The following KCNQ4 variants were observed in gnomAD, a reference collection of about 807,000 sequenced individuals.
KCNQ4 encodes the protein potassium voltage-gated channel subfamily Q member 4.
A neutral mutation model predicts 72.6 loss-of-function variants in KCNQ4; 31 were observed. That is an observed-to-expected ratio of 0.43 (90% CI 0.32 to 0.58). The LOEUF (loss-of-function observed/expected upper bound fraction) is 0.58. KCNQ4 is among the 20% of genes least tolerant of loss of function. The probability of loss-of-function intolerance (pLI) is 0.08; values close to 1 mark genes in which losing one functional copy is unlikely to be tolerated. For synonymous variants in KCNQ4, 405 were observed against 403.7 expected (o/e 1.00, Z -0.04); for missense variants, 869 against 962.6 (o/e 0.90, Z 1.29).
At chr1:40,819,831 G>T (rs1369406994) in intron 5 of KCNQ4, 44 bp from the exon 6 acceptor site, 1 of 1,464,484 alleles carries the variant, frequency 6.8e-7, no homozygotes, top group Non-Finnish European at 9.6e-7. Flanking sequence ...AGCCGTAGGT[G>T]GCCCCCGTGA....
chr1:40,793,426 C>T, intron 1 of KCNQ4, among the ~76,000 whole-genome samples: 1 of 152,158 alleles, frequency 6.6e-6, no homozygotes, highest in Non-Finnish European at 1.5e-5. Flanking sequence ...GTCCTCTTCA[C>T]AGTACATAGT....
At chr1:40,836,805 T>G (rs1453647234) in intron 12 of KCNQ4, among the ~76,000 whole-genome samples, 1 of 152,154 alleles carries the variant, frequency 6.6e-6, no homozygotes, top group East Asian at 1.9e-4. Context: ...ATCAATGGAT[T>G]TAGCAACATG....
At chr1:40,802,815 G>T (rs909264998) in intron 1 of KCNQ4, among the ~76,000 whole-genome samples, 1 of 152,332 alleles carries the variant, frequency 6.6e-6, no homozygotes, top group East Asian at 1.9e-4. Flanking sequence ...CCTGCCTCCA[G>T]ACTGCCGGAC....
intron 9 of KCNQ4, among the ~76,000 whole-genome samples, chr1:40,830,436 A>G (rs1332448267): frequency 1.3e-5 from 2 of 152,222 alleles, no homozygotes; most frequent in African/African-American, 4.8e-5. Flanking sequence ...AACCCTGACC[A>G]GTGTGGGATC....
At chr1:40,838,016 C>T (rs535316763) in intron 13 of KCNQ4, among the ~76,000 whole-genome samples, 32 of 150,480 alleles carry the variant, frequency 2.1e-4, no homozygotes, top group South Asian at 1.5e-3. Flanking sequence ...CCGCCCATAA[C>T]CTTCAGATAA....
intron 1 of KCNQ4, among the ~76,000 whole-genome samples, chr1:40,816,821 G>A (rs1312293198): frequency 6.6e-6 from 1 of 152,230 alleles, no homozygotes; most frequent in African/African-American, 2.4e-5. Context: ...CCACTTTGGA[G>A]TGCATAAGAA....
chr1:40,790,100 C>G (rs966060805), intron 1 of KCNQ4, among the ~76,000 whole-genome samples: 1 of 152,288 alleles, frequency 6.6e-6, no homozygotes, highest in African/African-American at 2.4e-5. Context: ...AGCTGTCCTG[C>G]GGGGAGTGAA....
chr1:40,784,482 T>G lies in KCNQ4; in HGVS notation c.314+75T>G. The G allele has an allele frequency of 7.0e-7, 1 of 1,432,008 alleles. No homozygotes were observed. The highest frequency in any genetic ancestry group is 1.1e-5 in the South Asian group (1 of 87,486). 88.7% of individuals were successfully genotyped at this position (1,432,008 alleles called of 1,614,324 possible). A position where few individuals can be genotyped will look rare whatever the true frequency, so the allele number is the denominator to read the frequency against. ...CTCCCGGGGCACGGCCGCCCCGCCC[T>G]GGCTCCGCCTTCTACCCCCCTGCCT... On this transcript the variant is annotated intron_variant, in intron 1 of 13. Coordinates refer to ENST00000347132, the MANE Select transcript of KCNQ4 (RefSeq NM_004700.4). This position sits in a 1 kb window ranked among gnomAD's most constrained non-coding sequence, Gnocchi z 4.1.
intron 9 of KCNQ4, among the ~76,000 whole-genome samples, chr1:40,828,607 C>T (rs1449464999): frequency 6.6e-6 from 1 of 152,200 alleles, no homozygotes; most frequent in Non-Finnish European, 1.5e-5. Flanking sequence ...CAAATCATCT[C>T]ACCTCTTTCC....
At chr1:40,799,458 A>G (rs1353750084) in intron 1 of KCNQ4, among the ~76,000 whole-genome samples, 2 of 151,850 alleles carry the variant, frequency 1.3e-5, no homozygotes, top group Non-Finnish European at 2.9e-5. Context: ...GGCAGTAAAC[A>G]CTGCCGTCGC....
At chr1:40,830,473 G>GGAAAATATGA (rs1196145483) in intron 9 of KCNQ4, among the ~76,000 whole-genome samples, 2 of 152,178 alleles carry the variant, frequency 1.3e-5, no homozygotes, top group Non-Finnish European at 2.9e-5. Flanking sequence ...GGGGAGTGGA[G>GGAAAATATGA]GAAAATATGA....
At chr1:40,790,903 AGT>A (rs1297415474) in intron 1 of KCNQ4, among the ~76,000 whole-genome samples, 1 of 151,926 alleles carries the variant, frequency 6.6e-6, no homozygotes, top group African/African-American at 2.4e-5. Flanking sequence ...TGTAGCTGTG[AGT>A]GTGTCTGTGA....
chr1:40,834,691 C>T (rs1310318848), intron 11 of KCNQ4, among the ~76,000 whole-genome samples: 1 of 152,138 alleles, frequency 6.6e-6, no homozygotes, highest in Non-Finnish European at 1.5e-5. Context: ...AAGCACACCC[C>T]AGCCTCCTTC....
At chr1:40,786,179 G>A (rs1008857856) in intron 1 of KCNQ4, among the ~76,000 whole-genome samples, 6 of 152,142 alleles carry the variant, frequency 3.9e-5, no homozygotes, top group African/African-American at 1.4e-4. Flanking sequence ...ACACCCCCCA[G>A]AGAACAACTG....
At chr1:40,825,168 CTT>C (rs1262211977) in intron 9 of KCNQ4, among the ~76,000 whole-genome samples, 2 of 152,198 alleles carry the variant, frequency 1.3e-5, no homozygotes, top group Non-Finnish European at 2.9e-5. Flanking sequence ...TTACCCATCT[CTT>C]TGTTTTGTCT....
chr1:40,835,443 A>G (rs540463592), intron 12 of KCNQ4, among the ~76,000 whole-genome samples: 5 of 152,178 alleles, frequency 3.3e-5, no homozygotes, highest in Non-Finnish European at 5.9e-5. Context: ...GAATAGGCAA[A>G]TTGTCCTCAC....
Position 40,784,572 on chromosome 1 carries a change from C to T in KCNQ4, c.314+165C>T, listed in dbSNP as rs1180519135. ...CGGTTTCTGATCCCCTCGCTGAGCC[C>T]GACCCTAAGCCCTGATCTCCCAGGC... is the stretch of plus-strand genomic sequence containing the variant. On this transcript the variant is annotated intron_variant, in intron 1 of 13. Transcript: ENST00000347132. This position sits in a 1 kb window ranked among gnomAD's most constrained non-coding sequence, Gnocchi z 4.1. 1.3e-5 allele frequency among the ~76,000 whole-genome samples: 2 copies of T among 152,040 alleles called. No homozygotes were observed. The highest frequency in any genetic ancestry group is 2.9e-5 in the Non-Finnish European group (2 of 68,000).
At chr1:40,818,845 G>C in intron 4 of KCNQ4, 165 bp downstream of exon 4, 1 of 734,530 alleles carries the variant, frequency 1.4e-6, no homozygotes. Flanking sequence ...AGCGGGTGGG[G>C]CGAAGTGGAT....
In KCNQ4 at chr1:40,807,016, G is replaced by A. The variant is rs142173830; in HGVS notation, c.315-10249G>A. On this transcript the variant is annotated intron_variant, in intron 1 of 13. Coordinates refer to ENST00000347132, the MANE Select transcript of KCNQ4 (RefSeq NM_004700.4). ...CGCCACAAAGGGGCCGGCTGAGAGG[G>A]CTGAGGGGTGCTGGAATCCAGCCTA... Among the ~76,000 whole-genome samples, 138 of 152,356 alleles carry A rather than the reference G, an allele frequency of 9.1e-4. 1 individual carries two copies. The highest frequency in any genetic ancestry group is 3.3e-3 in the African/African-American group (137 of 41,584).
Sources: allele counts gnomAD v4.1 joint callset (sites outside exome capture counted in the v4.1 genomes callset), GRCh38; gene constraint gnomAD v4.1.1; non-coding constraint Gnocchi (gnomAD v3.1); transcripts MANE v1.5; gene names NCBI Gene and HGNC (gene_info 2026-07-23, HGNC 2026-07-21).